The following ANXA11 variants were observed in gnomAD, a reference collection of about 807,000 sequenced individuals.
ANXA11 encodes 56 kDa autoantigen.
Under a neutral mutation model 64.7 loss-of-function variants are expected in ANXA11, and 57 were observed. The observed-to-expected ratio is 0.88, with a 90% CI of 0.71 to 1.10. The LOEUF (loss-of-function observed/expected upper bound fraction) is 1.10. Ranked by LOEUF, ANXA11 falls within the 50% of genes least tolerant of loss-of-function variation. The pLI, the probability that ANXA11 is intolerant of heterozygous loss-of-function variation, is 0.00. For missense variants in ANXA11, 675 were observed against 670.7 expected, an observed-to-expected ratio of 1.01 and a Z score of -0.07; for synonymous variants, 260 against 265.2, an observed-to-expected ratio of 0.98 and a Z score of 0.19.
At chr10:80,157,460 C>T in intron 15 of ANXA11, 181 bp downstream of exon 15, 2 of 985,410 alleles carry the variant, frequency 2.0e-6, no homozygotes, top group Non-Finnish European at 2.4e-6. Flanking sequence ...AGGTCATGAT[C>T]CACCTGCCCT....
intron 13 of ANXA11, 80 bp from the exon 14 acceptor site, chr10:80,158,105 C>T (rs1468836382): frequency 7.5e-7 from 1 of 1,327,558 alleles, no homozygotes; most frequent in African/African-American, 1.4e-5. Flanking sequence ...CAAGTGTCCT[C>T]TTAGAGGCCC....
At chr10:80,194,185 A>G (rs1378622674) in intron 1 of ANXA11, among the ~76,000 whole-genome samples, 1 of 152,204 alleles carries the variant, frequency 6.6e-6, no homozygotes, top group African/African-American at 2.4e-5. Context: ...ATACAATTTT[A>G]GGAACCCTCT....
rs554793288 is a variant in ANXA11, at chr10:80,171,022, T to C, written c.56-107A>G. 3 of 1,515,798 alleles carry C rather than the reference T, an allele frequency of 2.0e-6. No individual in the cohort carries two copies. In the East Asian group the frequency reaches 7.6e-5, roughly 39 times the overall value. 93.9% of individuals were successfully genotyped at this position (1,515,798 alleles called of 1,614,324 possible). The stretch of plus-strand genomic sequence containing the variant: ...TCAGAAAGGGAGGCCCAGTAAAGCC[T>C]CGAGCCTCGAGCCTCGGGACACCAC... On this transcript the variant is annotated intron_variant, in intron 3 of 15. Coordinates refer to ENST00000422982, the MANE Select transcript of ANXA11 (RefSeq NM_145868.2).
rs535230368 is a variant in ANXA11, at chr10:80,204,452, G to A, written c.-58+891C>T. Among the ~76,000 whole-genome samples, 4 of 152,346 alleles carry A rather than the reference G, an allele frequency of 2.6e-5. No individual in the cohort carries two copies. In the East Asian group the frequency reaches 7.7e-4, roughly 29 times the overall value. ...CAGGGCAGGGCAGGGCAGGGGCTCGGCCTCACAGCTCCACTCCATGCCCAG... is the reference window on the plus strand; with the variant it reads ...CAGGGCAGGGCAGGGCAGGGGCTCGACCTCACAGCTCCACTCCATGCCCAG... On this transcript the variant is annotated intron_variant, in intron 1 of 15. Transcript: ENST00000422982.
rs762980671 is a variant in ANXA11 at position 80,157,967 on chromosome 10, C to A, written c.1335G>T (p.Arg445Ser). 3 of 1,613,746 alleles carry A rather than the reference C, an allele frequency of 1.9e-6. No homozygotes were observed. Among genetic ancestry groups the A allele is most frequent in the Non-Finnish European group, 1.7e-6 (2 of 1,179,820 alleles). The change falls in exon 14 of 16, where the codon AGG becomes AGT. Residue 445 changes from arginine (R) to serine (S), a missense_variant and splice_region_variant. Physicochemically the swap from Arg to Ser is moderately radical, Grantham distance 110. Transcript: ENST00000422982. Reference sequence around the variant, plus strand: ...CAACCTGCACATGGAAGTTACATACCCTCATGGCCTTGTTGAGCCTCTCCG... The same window carrying A: ...CAACCTGCACATGGAAGTTACATACACTCATGGCCTTGTTGAGCCTCTCCG... ...FFAERLNKAM[R>S]GAGTKDRTLI... is the part of the protein sequence containing the mutation.
In ANXA11 at chr10:80,153,145, G is replaced by A. The variant is rs568725112; in HGVS notation, c.*2708C>T. ...ACAACAGGTGGTCTCCAAGTGTGTAGACCAGGGTCTCAAACCCAAAGGCCT... is the reference window on the plus strand; with the variant it reads ...ACAACAGGTGGTCTCCAAGTGTGTAAACCAGGGTCTCAAACCCAAAGGCCT... On this transcript the variant is annotated 3_prime_UTR_variant, in exon 16 of 16. Coordinates refer to ENST00000422982, the MANE Select transcript of ANXA11 (RefSeq NM_145868.2). 8 of 152,328 alleles carry A rather than the reference G, an allele frequency of 5.3e-5. No individual in the cohort carries two copies. The highest frequency in any genetic ancestry group is 1.9e-4 in the African/African-American group (8 of 41,564). The allele number at this position is 152,328 out of a possible 1,614,324, so 9.4% of individuals were successfully genotyped here.
intron 1 of ANXA11, among the ~76,000 whole-genome samples, chr10:80,200,994 T>C (rs1435890622): frequency 1.3e-5 from 2 of 152,150 alleles, no homozygotes; most frequent in African/African-American, 2.4e-5. Flanking sequence ...TGTTCCCTTC[T>C]GGGATTGGAA....
chr10:80,162,930 C>T (rs911593232), intron 11 of ANXA11, among the ~76,000 whole-genome samples: 7 of 152,158 alleles, frequency 4.6e-5, no homozygotes, highest in African/African-American at 7.2e-5. Context: ...AGAGGGACAA[C>T]GACAGAATTC....
At chr10:80,171,667 G>A (rs1845982386) in intron 3 of ANXA11, 1 of 985,502 alleles carries the variant, frequency 1.0e-6, no homozygotes, top group Non-Finnish European at 1.2e-6. Flanking sequence ...TGGGGCCTCT[G>A]GCCTGTTAGA....
rs190334724 is a variant in ANXA11 at position 80,164,095 on chromosome 10, T to C, written c.907A>G (p.Ser303Gly). The C allele has an allele frequency of 5.6e-6, 9 of 1,614,158 alleles. 1 individual carries two copies. The East Asian group carries it at 2.0e-4, about 36-fold the overall frequency. ...ACLIEILASRSNEHIRELNRA... is the reference protein window; with the variant it reads ...ACLIEILASRGNEHIRELNRA... Reference sequence around the variant, plus strand: ...TTTAATTCTCGGATGTGCTCATTGCTGCGGGAAGCGAGGATCTCAATCAGG... The same window carrying C: ...TTTAATTCTCGGATGTGCTCATTGCCGCGGGAAGCGAGGATCTCAATCAGG... Residue 303 changes from serine (S) to glycine (G), a missense_variant, in exon 9 of 16, where the codon AGC becomes GGC. Ser to Gly is a moderately conservative substitution (Grantham distance 56). Coordinates refer to ENST00000422982, the MANE Select transcript of ANXA11 (RefSeq NM_145868.2).
chr10:80,166,393 T>G, intron 7 of ANXA11, 196 bp from the exon 8 acceptor site: 1 of 551,170 alleles, frequency 1.8e-6, no homozygotes, highest in Non-Finnish European at 3.2e-6. Context: ...TTTACCAAGA[T>G]GCCCAGGGGA....
intron 3 of ANXA11, 149 bp downstream of exon 3, chr10:80,172,658 G>T (rs925776117): frequency 2.6e-6 from 2 of 772,802 alleles, no homozygotes; most frequent in Non-Finnish European, 4.3e-6. Flanking sequence ...TCGGCTGGCT[G>T]TCCCACTACT....
chr10:80,195,177 C>T (rs1846934346), intron 1 of ANXA11, among the ~76,000 whole-genome samples: 1 of 152,204 alleles, frequency 6.6e-6, no homozygotes. Flanking sequence ...CCCCTTCAAG[C>T]CTGGGAGACT....
chr10:80,193,753 AGTGAGCC>A (rs1214647268), intron 1 of ANXA11, among the ~76,000 whole-genome samples: 2 of 145,432 alleles, frequency 1.4e-5, no homozygotes, highest in African/African-American at 5.1e-5. Flanking sequence ...CTGGGGCTGC[AGTGAGCC>A]AAGATCGTGC....
At chr10:80,174,990 G>T (rs897839033) in intron 2 of ANXA11, among the ~76,000 whole-genome samples, 2 of 152,198 alleles carry the variant, frequency 1.3e-5, no homozygotes, top group African/African-American at 4.8e-5. Flanking sequence ...CGTAGGCAAA[G>T]CCCTATGGCT....
In ANXA11 at chr10:80,167,383, C is replaced by A. The variant is rs1589425476; in HGVS notation, c.562-70G>T. ...TTCCCCACATTCAAGGCTGCTCCAC[C>A]CCTAGACTCTGGGAACAGCCCTTTC... On this transcript the variant is annotated intron_variant, in intron 5 of 15. Coordinates refer to ENST00000422982, the MANE Select transcript of ANXA11 (RefSeq NM_145868.2). 7 of 1,396,410 alleles carry A rather than the reference C, an allele frequency of 5.0e-6. No homozygotes were observed. In the East Asian group the frequency reaches 1.6e-4, roughly 32 times the overall value. 86.5% of individuals were successfully genotyped at this position (1,396,410 alleles called of 1,614,324 possible). A position where few individuals can be genotyped will look rare whatever the true frequency, so the allele number is the denominator to read the frequency against.
intron 1 of ANXA11, among the ~76,000 whole-genome samples, chr10:80,192,010 G>A (rs775459822): frequency 2.0e-5 from 3 of 152,170 alleles, no homozygotes; most frequent in Non-Finnish European, 2.9e-5. Context: ...AGAGCTCATC[G>A]TCCCCAGGGC....
chr10:80,172,981 A>G (rs1846038503), intron 2 of ANXA11, 112 bp from the exon 3 acceptor site: 2 of 873,126 alleles, frequency 2.3e-6, no homozygotes, highest in African/African-American at 3.3e-5. Context: ...CCTGCAGAAG[A>G]AACTGCTGCA....
At chr10:80,167,861 T>C (rs555364330) in intron 5 of ANXA11, among the ~76,000 whole-genome samples, 4 of 152,300 alleles carry the variant, frequency 2.6e-5, no homozygotes, top group South Asian at 2.1e-4. Context: ...CAGACCCTGA[T>C]AGCTGCACAA....
Sources: allele counts gnomAD v4.1 joint callset (sites outside exome capture counted in the v4.1 genomes callset), GRCh38; gene constraint gnomAD v4.1.1; transcripts MANE v1.5; gene names NCBI Gene and HGNC (gene_info 2026-07-23, HGNC 2026-07-21).